Variants in PSG5 observed in about 807,000 individuals in gnomAD.
PSG5 encodes pregnancy specific beta-1-glycoprotein 5.
A neutral mutation model predicts 37.7 loss-of-function variants in PSG5; 53 were observed. The observed-to-expected ratio is 1.41, with a 90% CI of 1.13 to 1.77. PSG5 has a LOEUF of 1.77. Ranked by LOEUF, PSG5 falls within the 40% of genes most tolerant of loss-of-function variation. The pLI is 0.00. For missense variants in PSG5, 547 were observed against 405.2 expected (o/e 1.35, Z -3.00); for synonymous variants, 221 against 155.4 (o/e 1.42, Z -3.14).
intron 2 of PSG5, chr19:43,179,208 C>T (rs929760313): frequency 7.9e-6 from 12 of 1,520,136 alleles, no homozygotes; most frequent in Non-Finnish European, 1.1e-5. Flanking sequence ...TTTGATTCCT[C>T]CAAAGGCACT....
chr19:43,180,034 A>G (rs546331631), intron 2 of PSG5, among the ~76,000 whole-genome samples: 2 of 151,874 alleles, frequency 1.3e-5, no homozygotes, highest in Non-Finnish European at 2.9e-5. Context: ...CTCATGGACC[A>G]TATGTGTTTG....
chr19:43,172,368 A>G (rs758040138), intron 4 of PSG5, among the ~76,000 whole-genome samples: 1 of 151,646 alleles, frequency 6.6e-6, no homozygotes, highest in Non-Finnish European at 1.5e-5. Flanking sequence ...TTTATTCAAC[A>G]TAGTATTGAA....
chr19:43,177,471 A>T (rs1599749511), intron 2 of PSG5, among the ~76,000 whole-genome samples: 5 of 151,478 alleles, frequency 3.3e-5, no homozygotes, highest in Admixed American at 3.3e-4. Flanking sequence ...ATTAGTGGGC[A>T]AAAGTGGGAG....
At chr19:43,178,115 G>T (rs924265759) in intron 2 of PSG5, among the ~76,000 whole-genome samples, 1 of 151,556 alleles carries the variant, frequency 6.6e-6, no homozygotes, top group Admixed American at 6.6e-5. Context: ...TACTCCCTGT[G>T]CTGGGTTTTT....
chr19:43,178,933 T>C (rs779566676), intron 2 of PSG5: 1 of 1,612,852 alleles, frequency 6.2e-7, no homozygotes, highest in Non-Finnish European at 8.5e-7. Context: ...GGGTTCCGTA[T>C]TTCACATTCA....
intron 2 of PSG5, among the ~76,000 whole-genome samples, chr19:43,180,858 G>C (rs1383960925): frequency 6.6e-6 from 1 of 151,558 alleles, no homozygotes; most frequent in Non-Finnish European, 1.5e-5. Context: ...TACATAAAGG[G>C]AGGAAGGATG....
Position 43,175,920 on chromosome 19 carries a change from C to T in PSG5, c.659G>A (p.Arg220Gln), listed in dbSNP as rs200424493. The T allele has an allele frequency of 2.4e-5, 39 of 1,612,280 alleles. No homozygotes were observed. The Admixed American group carries it at 2.8e-4, about 12-fold the overall frequency. Residue 220 changes from arginine to glutamine, a missense_variant, in exon 3 of 6, where the codon CGG (arginine) becomes CAG (glutamine). By Grantham distance (43) the Arg-to-Gln change is conservative. Coordinates refer to ENST00000342951, the MANE Select transcript of PSG5 (RefSeq NM_002781.4). ...NETGPYECEI[R>Q]DRDGGMRSDP... Reference sequence around the variant, plus strand: ...ACTGCGCATGCCACCATCTCGGTCCCGTATTTCACATTCATAGGGTCCTGT... The same window carrying T: ...ACTGCGCATGCCACCATCTCGGTCCTGTATTTCACATTCATAGGGTCCTGT...
chr19:43,179,184 C>T (rs527527251), intron 2 of PSG5: 1 of 1,571,904 alleles, frequency 6.4e-7, no homozygotes, highest in African/African-American at 1.4e-5. Context: ...GAGAAGATTG[C>T]CCTGTGTGGC....
At chr19:43,169,188 T>A (rs1408288315) in intron 5 of PSG5, among the ~76,000 whole-genome samples, 3 of 151,840 alleles carry the variant, frequency 2.0e-5, no homozygotes, top group South Asian at 4.1e-4. Flanking sequence ...TATTTTCAGG[T>A]CTCATTTCCT....
chr19:43,172,673 C>T (rs2122206392), intron 4 of PSG5, among the ~76,000 whole-genome samples: 1 of 151,344 alleles, frequency 6.6e-6, no homozygotes, highest in South Asian at 2.1e-4. Flanking sequence ...TAAGTTTAAC[C>T]AAAGAGGTGA....
At position 43,176,155 on chromosome 19, in the gene PSG5, G is replaced by T. The variant is rs768405469; in HGVS notation, c.431-7C>A. On this transcript the variant is annotated splice_polypyrimidine_tract_variant and splice_region_variant and intron_variant, in intron 2 of 5. Coordinates refer to ENST00000342951, the MANE Select transcript of PSG5 (RefSeq NM_002781.4). Reference sequence around the variant, plus strand: ...TAGGGCTTGGGCAGCTTCACTGTGTGGATAACAGAGAGAAGATTGTCCTGT... The same window carrying T: ...TAGGGCTTGGGCAGCTTCACTGTGTTGATAACAGAGAGAAGATTGTCCTGT... 5 of 1,610,670 alleles carry T rather than the reference G, an allele frequency of 3.1e-6. No individual in the cohort carries two copies. In the Admixed American group the frequency reaches 8.4e-5, roughly 27 times the overall value.
chr19:43,174,867 A>G, intron 4 of PSG5: 1 of 1,190,776 alleles, frequency 8.4e-7, no homozygotes, highest in Non-Finnish European at 1.1e-6. Context: ...ACAAGGAAAC[A>G]AAGACATGGC....
In PSG5 at chr19:43,170,139, C is replaced by G; in HGVS notation, c.965-1G>C. On this transcript the variant is annotated splice_acceptor_variant, in intron 4 of 5. Coordinates refer to ENST00000342951, the MANE Select transcript of PSG5 (RefSeq NM_002781.4). LOFTEE classifies it high-confidence loss of function. Reference sequence around the variant, plus strand: ...GGAAGACGTCCTATTCCTGAAGGAGCTGTCATGGAAAGAAAAGTAAAGAAG... The same window carrying G: ...GGAAGACGTCCTATTCCTGAAGGAGGTGTCATGGAAAGAAAAGTAAAGAAG... The G allele has an allele frequency of 5.7e-6, 9 of 1,583,570 alleles. No homozygotes were observed. Among genetic ancestry groups the G allele is most frequent in the Non-Finnish European group, 7.8e-6 (9 of 1,157,672 alleles).
At chr19:43,179,847 G>A (rs1969090895) in intron 2 of PSG5, among the ~76,000 whole-genome samples, 1 of 151,534 alleles carries the variant, frequency 6.6e-6, no homozygotes, top group Admixed American at 6.6e-5. Flanking sequence ...GGACAGGCAA[G>A]AGCTGATAGC....
chr19:43,179,780 G>C lies in PSG5; in HGVS notation c.431-3632C>G, dbSNP rs537273451. Reference sequence around the variant, plus strand: ...AGGTGTCTCATAGTGACTGACTTGAGCCAGTGACTTCTAAAGATAGAGCAG... The same window carrying C: ...AGGTGTCTCATAGTGACTGACTTGACCCAGTGACTTCTAAAGATAGAGCAG... On this transcript the variant is annotated intron_variant, in intron 2 of 5. Coordinates refer to ENST00000342951, the MANE Select transcript of PSG5 (RefSeq NM_002781.4). Among the ~76,000 whole-genome samples the C allele has an allele frequency of 3.3e-5, 5 of 151,796 alleles. No individual in the cohort carries two copies. In the South Asian group the frequency reaches 1.0e-3, roughly 31 times the overall value.
chr19:43,172,983 C>G (rs1328844647), intron 4 of PSG5, among the ~76,000 whole-genome samples: 2 of 151,672 alleles, frequency 1.3e-5, no homozygotes, highest in South Asian at 4.1e-4. Context: ...GCATTTACTA[C>G]AAAGCCCTAG....
intron 2 of PSG5, chr19:43,179,196 C>T (rs754000288): frequency 5.2e-6 from 8 of 1,550,460 alleles, no homozygotes; most frequent in African/African-American, 2.8e-5. Flanking sequence ...CTGTGTGGCA[C>T]CTTTGATTCC....
chr19:43,173,566 G>GA (rs1968945596), intron 4 of PSG5, among the ~76,000 whole-genome samples: 1 of 151,562 alleles, frequency 6.6e-6, no homozygotes, highest in Non-Finnish European at 1.5e-5. Context: ...TTTTCTCCAA[G>GA]GAAGATATAC....
rs559384508 is a variant in PSG5, at chr19:43,177,387, T to TA, written c.431-1240dup. Among the ~76,000 whole-genome samples the TA allele has an allele frequency of 1.6e-4, 24 of 151,752 alleles. 1 individual carries two copies. The South Asian group carries it at 3.1e-3, about 20-fold the overall frequency. On this transcript the variant is annotated intron_variant, in intron 2 of 5. Transcript: ENST00000342951. ...GATTCTGAAATATTTGTCATATACT[T>TA]ACTGGTTTAGCATCCCAAATCTGAA...
Sources: allele counts gnomAD v4.1 joint callset (sites outside exome capture counted in the v4.1 genomes callset), GRCh38; gene constraint gnomAD v4.1.1; transcripts MANE v1.5; gene names NCBI Gene and HGNC (gene_info 2026-07-23, HGNC 2026-07-21).